PLCB3: variants seen among roughly 807,000 people sequenced by gnomAD.
PLCB3 encodes 1-phosphatidylinositol 4,5-bisphosphate phosphodiesterase beta-3.
Under a neutral mutation model 152.1 loss-of-function variants are expected in PLCB3, and 54 were observed. That is an observed-to-expected ratio of 0.36 (90% CI 0.29 to 0.45). The LOEUF (loss-of-function observed/expected upper bound fraction) is 0.45, where lower values mean the gene tolerates loss of function less well. PLCB3 is among the 20% of genes least tolerant of loss of function. The probability of loss-of-function intolerance (pLI) is 1.00; values close to 1 mark genes in which losing one functional copy is unlikely to be tolerated. For synonymous variants in PLCB3, 717 were observed against 698.7 expected (o/e 1.03, Z -0.41); for missense variants, 1,248 against 1,687.5 (o/e 0.74, Z 4.56).
intron 1 of PLCB3, 56 bp downstream of exon 1, chr11:64,251,804 G>A: frequency 9.3e-7 from 1 of 1,073,040 alleles, no homozygotes; most frequent in South Asian, 2.3e-5. Flanking sequence ...AGTCAAGCTC[G>A]ACCAGACGCT....
At position 64,265,117 on chromosome 11, in the gene PLCB3, C is replaced by T. The variant is rs1354301616; in HGVS notation, c.2806+13C>T. The T allele has an allele frequency of 6.4e-7, 1 of 1,552,686 alleles. No homozygotes were observed. Among genetic ancestry groups the T allele is most frequent in the East Asian group, 2.4e-5 (1 of 41,952 alleles). On this transcript the variant is annotated intron_variant, in intron 23 of 30. Coordinates refer to ENST00000279230, the MANE Select transcript of PLCB3 (RefSeq NM_000932.5). ...CTCAGCAGCCCAGGTAAGGAGTGGC[C>T]TGGGTCGGGGGTGGGCTGCAGGGAG...
chr11:64,269,344 G>A (rs2032317739), downstream of PLCB3, among the ~76,000 whole-genome samples: 1 of 152,240 alleles, frequency 6.6e-6, no homozygotes, highest in South Asian at 2.1e-4. Context: ...TCTGTGCCCG[G>A]CACCAAGAAC....
chr11:64,269,262 G>T (rs1170707383), downstream of PLCB3: 1 of 152,432 alleles, frequency 6.6e-6, no homozygotes, highest in East Asian at 1.9e-4. Flanking sequence ...CCTCCCTGAA[G>T]CCCTCTCTGA....
chr11:64,269,020 C>T (rs1016450569), downstream of PLCB3: 1 of 152,384 alleles, frequency 6.6e-6, no homozygotes, highest in African/African-American at 2.4e-5. Flanking sequence ...TATCTAGGCT[C>T]CTCAGCAGCC....
chr11:64,267,620 C>A lies in PLCB3; in HGVS notation c.*64C>A. The stretch of plus-strand genomic sequence containing the variant: ...CTGGGTGGAGGGCAGGAGGCAATGA[C>A]ACTAATGCTTTTTTTTTTTTTTTTT... On this transcript the variant is annotated 3_prime_UTR_variant, in exon 31 of 31. Coordinates refer to ENST00000279230, the MANE Select transcript of PLCB3 (RefSeq NM_000932.5). The surrounding 1 kb of genome is among the most constrained non-coding windows in gnomAD (Gnocchi z 5.2). 304 of 920,612 alleles carry A rather than the reference C, an allele frequency of 3.3e-4. No homozygotes were observed. The highest frequency in any genetic ancestry group is 4.5e-4 in the Non-Finnish European group (278 of 620,632). 57.0% of individuals were successfully genotyped at this position (920,612 alleles called of 1,614,324 possible).
At position 64,256,540 on chromosome 11, in the gene PLCB3, G is replaced by A. The variant is rs754487691; in HGVS notation, c.863G>A (p.Arg288Gln). 2.5e-6 allele frequency: 4 copies of A among 1,613,810 alleles called. No homozygotes were observed. Among genetic ancestry groups the A allele is most frequent in the South Asian group, 1.1e-5 (1 of 91,074 alleles). The change falls in exon 9 of 31, where the codon CGA becomes CAA. Residue 288 changes from arginine to glutamine, a missense_variant and splice_region_variant. By Grantham distance (43) the Arg-to-Gln change is conservative. This residue lies in a region of PLCB3 where 299 missense variants were observed against 434.7 expected (regional missense o/e 0.69). Transcript: ENST00000279230. ...GAGCCCAACCAGCAGTTTCTGGAGC[G>A]AGGTGAGCTGGCTGGGGTGCAGGTG... Reference protein sequence around the residue: ...KYEPNQQFLERDQMSMEGFSR... With the variant: ...KYEPNQQFLEQDQMSMEGFSR...
downstream of PLCB3, among the ~76,000 whole-genome samples, chr11:64,268,250 C>T (rs1474329424): frequency 6.6e-6 from 1 of 152,214 alleles, no homozygotes; most frequent in Non-Finnish European, 1.5e-5. Flanking sequence ...GACCCAAACG[C>T]CTAGTATCTT....
Position 64,255,631 on chromosome 11 carries a change from G to GGGGGGC in PLCB3, c.597+15_597+16insGGGGGC. On this transcript the variant is annotated intron_variant, in intron 7 of 30. Coordinates refer to ENST00000279230, the MANE Select transcript of PLCB3 (RefSeq NM_000932.5). The surrounding 1 kb of genome is among the most constrained non-coding windows in gnomAD (Gnocchi z 6.8). ...AATTCAACCGGGTGTGTGGGGTGGG[G>GGGGGGC]ACAGGGGCGGGGTGGGGTGTCACGG... 1.7e-6 allele frequency: 1 copy of GGGGGGC among 604,056 alleles called. No individual in the cohort carries two copies. Among genetic ancestry groups the GGGGGGC allele is most frequent in the Non-Finnish European group, 3.1e-6 (1 of 321,554 alleles). The allele number at this position is 604,056 out of a possible 1,614,324, so 37.4% of individuals were successfully genotyped here. A position where few individuals can be genotyped will look rare whatever the true frequency, so the allele number is the denominator to read the frequency against.
At chr11:64,259,855 G>A (rs372327852) in intron 13 of PLCB3, among the ~76,000 whole-genome samples, 174 bp from the exon 14 acceptor site, 1 of 152,220 alleles carries the variant, frequency 6.6e-6, no homozygotes, top group African/African-American at 2.4e-5. Context: ...AACCCATACT[G>A]GGTTAATACC....
intron 1 of PLCB3, among the ~76,000 whole-genome samples, chr11:64,252,098 G>C (rs972284166): frequency 6.6e-6 from 1 of 152,072 alleles, no homozygotes; most frequent in Non-Finnish European, 1.5e-5. Flanking sequence ...CCCAGCACTA[G>C]ACTCCCCGGC....
rs1420679798 is a variant in PLCB3 at position 64,261,641 on chromosome 11, C to G, written c.1889C>G (p.Thr630Ser). 2 of 1,613,928 alleles carry G rather than the reference C, an allele frequency of 1.2e-6. No homozygotes were observed. Among genetic ancestry groups the G allele is most frequent in the African/African-American group, 1.3e-5 (1 of 74,926 alleles). The stretch of plus-strand genomic sequence containing the variant: ...GAGACCAAGGCCATGGAGCAACTGA[C>G]CAAGAGCCCCATGGAGTTTGTGGAG... The part of the protein sequence containing the change: ...FVETKAMEQL[T>S]KSPMEFVEYN... Residue 630 changes from threonine (T) to serine (S), a missense_variant, in exon 16 of 31, where the codon ACC (threonine) becomes AGC (serine). This residue lies in a region of PLCB3 where 244 missense variants were observed against 424.4 expected (regional missense o/e 0.57). Coordinates refer to ENST00000279230, the MANE Select transcript of PLCB3 (RefSeq NM_000932.5).
Position 64,258,153 on chromosome 11 carries a change from CAA to C in PLCB3, c.1013-305_1013-304del, listed in dbSNP as rs34969821. 0.18 allele frequency among the ~76,000 whole-genome samples: 17,584 copies of C among 98,942 alleles called. 1,287 individuals carry two copies. Among genetic ancestry groups the C allele is most frequent in the Middle Eastern group, 0.26 (44 of 172 alleles). The allele number at this position is 98,942 out of a possible 152,430, so 64.9% of individuals were successfully genotyped here. A position where few individuals can be genotyped will look rare whatever the true frequency, so the allele number is the denominator to read the frequency against. The stretch of plus-strand genomic sequence containing the variant: ...TGGGTGACAGAGCGAGGTTCCGTCT[CAA>C]AAAAAAAAAAAAAAGAGATTGGATT... On this transcript the variant is annotated intron_variant, in intron 10 of 30. Coordinates refer to ENST00000279230, the MANE Select transcript of PLCB3 (RefSeq NM_000932.5). This position sits in a 1 kb window ranked among gnomAD's most constrained non-coding sequence, Gnocchi z 7.2.
chr11:64,256,997 C>CTTTTTTTTTTTTTTTTTTT lies in PLCB3; in HGVS notation c.1012+239_1012+257dup, dbSNP rs5792316. Among the ~76,000 whole-genome samples the CTTTTTTTTTTTTTTTTTTT allele has an allele frequency of 5.6e-3, 347 of 61,586 alleles. 7 individuals are homozygous for CTTTTTTTTTTTTTTTTTTT. Among genetic ancestry groups the CTTTTTTTTTTTTTTTTTTT allele is most frequent in the Non-Finnish European group, 7.9e-3 (275 of 34,926 alleles). 40.4% of individuals were successfully genotyped at this position (61,586 alleles called of 152,430 possible). Reference sequence around the variant, plus strand: ...CTGCAGCAGGAGAGACTTCAGGGTCCTTTTTTTTTTTTTTTTTTTTTTTTG... The same window carrying CTTTTTTTTTTTTTTTTTTT: ...CTGCAGCAGGAGAGACTTCAGGGTCCTTTTTTTTTTTTTTTTTTTTTTTTTTTTTTTTTTTTTTTTTTTG... On this transcript the variant is annotated intron_variant, in intron 10 of 30. Coordinates refer to ENST00000279230, the MANE Select transcript of PLCB3 (RefSeq NM_000932.5).
chr11:64,253,651 T>C (rs2135037586), intron 1 of PLCB3, among the ~76,000 whole-genome samples: 1 of 152,286 alleles, frequency 6.6e-6, no homozygotes. Flanking sequence ...TGGCTGCTGG[T>C]CCTGAGTCAC....
Position 64,255,768 on chromosome 11 carries a change from G to A in PLCB3, c.645G>A (p.Arg215=), listed in dbSNP as rs1047527891. ...AGTTTTCCTTGGAAATCTTTGAGCG[G>A]TTCCTGAACAAGCTGTGTCTGCGGC... The part of the protein sequence containing the change: ...PDEFSLEIFE[R]FLNKLCLRPD... Residue 215 remains arginine (R), a synonymous_variant, in exon 8 of 31, where the codon CGG becomes CGA. Transcript: ENST00000279230. This position sits in a 1 kb window ranked among gnomAD's most constrained non-coding sequence, Gnocchi z 6.8. 1 of 1,614,150 alleles carries A rather than the reference G, an allele frequency of 6.2e-7. No individual in the cohort carries two copies. The highest frequency in any genetic ancestry group is 1.3e-5 in the African/African-American group (1 of 75,052).
intron 1 of PLCB3, among the ~76,000 whole-genome samples, chr11:64,252,237 T>G (rs928927577): frequency 6.6e-6 from 1 of 152,048 alleles, no homozygotes; most frequent in African/African-American, 2.4e-5. Context: ...CCTGTTCTGG[T>G]TGGCACCCCT....
chr11:64,262,846 A>C (rs1277899409), intron 19 of PLCB3, 38 bp downstream of exon 19: 1 of 1,598,702 alleles, frequency 6.3e-7, no homozygotes, highest in Admixed American at 1.7e-5. Context: ...GCACAGGCAG[A>C]TCCAGCCCAG....
At chr11:64,261,739 C>T in intron 16 of PLCB3, 74 bp downstream of exon 16, 1 of 1,455,276 alleles carries the variant, frequency 6.9e-7, no homozygotes, top group Non-Finnish European at 9.6e-7. Context: ...GTTCTGTCCC[C>T]ACATATGCCA....
chr11:64,262,628 C>T lies in PLCB3; in HGVS notation c.2194-19C>T. The T allele has an allele frequency of 6.2e-7, 1 of 1,613,420 alleles. No homozygotes were observed. Among genetic ancestry groups the T allele is most frequent in the Non-Finnish European group, 8.5e-7 (1 of 1,179,644 alleles). ...CAGGACTCTCAGCATCCGCCTCACC[C>T]TCCTTGGCCCACCCCCAGGTGATCT... On this transcript the variant is annotated intron_variant, in intron 18 of 30. Transcript: ENST00000279230.
Sources: gnomAD v4.1 joint callset for allele counts (sites outside exome capture counted in the v4.1 genomes callset) on GRCh38, gnomAD v4.1.1 for gene constraint, gnomAD v4.1.1 regional missense constraint, Gnocchi (gnomAD v3.1) non-coding constraint, MANE v1.5 for transcripts, NCBI Gene and HGNC (gene_info 2026-07-23, HGNC 2026-07-21) for gene names.